The following RNF130 variants were observed in gnomAD, a reference collection of about 807,000 sequenced individuals.
RNF130 encodes the protein ring finger protein 130.
A neutral mutation model predicts 44.6 loss-of-function variants in RNF130; 21 were observed. The ratio of observed to expected loss-of-function variants is 0.47; its 90% CI spans 0.33 to 0.68. The LOEUF is 0.68. Among genes scored for constraint, RNF130 ranks in the 30% least tolerant of loss-of-function variants. RNF130 has a pLI of 0.02. For missense variants in RNF130, 479 were observed against 560.6 expected (o/e 0.85, Z 1.47); for synonymous variants, 214 against 210.4 (o/e 1.02, Z -0.15).
At chr5:180,002,908 C>G (rs1259956974) in intron 3 of RNF130, among the ~76,000 whole-genome samples, 1 of 152,006 alleles carries the variant, frequency 6.6e-6, no homozygotes, top group African/African-American at 2.4e-5. Flanking sequence ...CCTAAGGTAA[C>G]TCAGATCTGG....
chr5:179,964,087 C>T (rs1762389018), intron 7 of RNF130: 1 of 155,012 alleles, frequency 6.5e-6, no homozygotes, highest in South Asian at 2.0e-4. Flanking sequence ...ATTCTTCTCT[C>T]TTATGCATGG....
intron 7 of RNF130, among the ~76,000 whole-genome samples, chr5:179,935,285 TAA>T (rs1459929249): frequency 1.3e-5 from 2 of 152,216 alleles, no homozygotes; most frequent in Non-Finnish European, 2.9e-5. Context: ...ATCCAGCATA[TAA>T]GTCTATCTTA....
intron 2 of RNF130, among the ~76,000 whole-genome samples, chr5:180,027,424 A>G (rs896943536): frequency 2.6e-5 from 4 of 152,192 alleles, no homozygotes; most frequent in African/African-American, 9.6e-5. Context: ...GAGTTATGGC[A>G]TACGAAAGTC....
At chr5:180,021,226 G>C (rs547740567) in intron 2 of RNF130, among the ~76,000 whole-genome samples, 1 of 152,234 alleles carries the variant, frequency 6.6e-6, no homozygotes, top group East Asian at 1.9e-4. Context: ...CTGATCTCAT[G>C]ATCCGCCTGC....
At chr5:179,972,202 T>C (rs573098444) in intron 5 of RNF130, among the ~76,000 whole-genome samples, 1 of 152,318 alleles carries the variant, frequency 6.6e-6, no homozygotes, top group African/African-American at 2.4e-5. Flanking sequence ...AGTGCACTAA[T>C]GCTGGCTACT....
chr5:179,923,302 T>C (rs1429515071), intron 7 of RNF130, among the ~76,000 whole-genome samples: 5 of 152,224 alleles, frequency 3.3e-5, no homozygotes, highest in African/African-American at 1.2e-4. Flanking sequence ...AGATTATCCT[T>C]TCCCCCACTG....
chr5:179,921,883 A>G (rs1761635622), intron 7 of RNF130, among the ~76,000 whole-genome samples: 1 of 148,450 alleles, frequency 6.7e-6, no homozygotes, highest in Admixed American at 6.7e-5. Context: ...TTAGCCAGGC[A>G]TGGTGGCAGG....
chr5:179,971,324 C>T (rs537752377), intron 5 of RNF130, among the ~76,000 whole-genome samples: 1 of 152,306 alleles, frequency 6.6e-6, no homozygotes, highest in Non-Finnish European at 1.5e-5. Context: ...TTCAGGGCAG[C>T]TTTGGAAGAA....
chr5:180,049,683 T>C (rs1279229728), intron 1 of RNF130, among the ~76,000 whole-genome samples: 1 of 152,208 alleles, frequency 6.6e-6, no homozygotes, highest in Non-Finnish European at 1.5e-5. Flanking sequence ...AGCCCACAGG[T>C]TAAATCAGAC....
intron 1 of RNF130, among the ~76,000 whole-genome samples, chr5:180,047,716 C>T (rs1764598947): frequency 6.6e-6 from 1 of 152,136 alleles, no homozygotes; most frequent in African/African-American, 2.4e-5. Context: ...TCCACTCCAG[C>T]CTGGGCGACA....
chr5:180,021,039 T>C (rs1408712780), intron 2 of RNF130, among the ~76,000 whole-genome samples: 3 of 34,442 alleles, frequency 8.7e-5, no homozygotes, highest in Non-Finnish European at 1.8e-4. Context: ...TGGAGTGCAG[T>C]GGCGCAATCT....
chr5:179,980,353 G>C, intron 3 of RNF130, 153 bp from the exon 4 acceptor site: 1 of 640,250 alleles, frequency 1.6e-6, no homozygotes, highest in South Asian at 2.2e-5. Context: ...AAAAATGGTG[G>C]CTGTATCAAG....
At chr5:179,987,514 A>G (rs1380715326) in intron 3 of RNF130, among the ~76,000 whole-genome samples, 4 of 152,214 alleles carry the variant, frequency 2.6e-5, no homozygotes, top group African/African-American at 9.6e-5. Flanking sequence ...GACTTCCAGC[A>G]CTATGTGGAA....
intron 1 of RNF130, among the ~76,000 whole-genome samples, chr5:180,054,869 G>C (rs1490292706): frequency 6.6e-6 from 1 of 152,138 alleles, no homozygotes; most frequent in African/African-American, 2.4e-5. Flanking sequence ...ACAGTGCTTT[G>C]CAGTTTTCAG....
chr5:179,978,739 G>A (rs1016165948), intron 4 of RNF130, among the ~76,000 whole-genome samples: 1 of 152,190 alleles, frequency 6.6e-6, no homozygotes, highest in Admixed American at 6.5e-5. Flanking sequence ...GCAGACTGCT[G>A]TCTAGAAACC....
chr5:180,058,516 G>A (rs1351981184), intron 1 of RNF130, among the ~76,000 whole-genome samples: 5 of 152,134 alleles, frequency 3.3e-5, no homozygotes, highest in Non-Finnish European at 5.9e-5. Flanking sequence ...CAGGGGCTGC[G>A]GCAGAGGGGG....
intron 3 of RNF130, among the ~76,000 whole-genome samples, chr5:180,001,884 T>C (rs1763353153): frequency 6.6e-6 from 1 of 152,218 alleles, no homozygotes; most frequent in South Asian, 2.1e-4. Flanking sequence ...ACTAGAGTTC[T>C]ACGGCCTGTA....
intron 3 of RNF130, among the ~76,000 whole-genome samples, chr5:179,980,691 G>A (rs1420328004): frequency 6.6e-6 from 1 of 152,228 alleles, no homozygotes; most frequent in Non-Finnish European, 1.5e-5. Context: ...GAGAAGGAAT[G>A]CGTCACAGCT....
At chr5:180,017,892 C>T (rs569899346) in intron 2 of RNF130, among the ~76,000 whole-genome samples, 37 of 152,318 alleles carry the variant, frequency 2.4e-4, no homozygotes, top group Admixed American at 2.2e-3. Flanking sequence ...AAATGACAAA[C>T]TACCTGCAGG....
Sources: gnomAD v4.1 joint callset for allele counts (sites outside exome capture counted in the v4.1 genomes callset) on GRCh38, gnomAD v4.1.1 for gene constraint, MANE v1.5 for transcripts, NCBI Gene and HGNC (gene_info 2026-07-23, HGNC 2026-07-21) for gene names.